The following DBF4B variants were observed in gnomAD, a reference collection of about 807,000 sequenced individuals.
DBF4B encodes the protein protein DBF4 homolog B.
Under a neutral mutation model 53.4 loss-of-function variants are expected in DBF4B, and 49 were observed. The ratio of observed to expected loss-of-function variants is 0.92; its 90% CI spans 0.73 to 1.16. The LOEUF is 1.16. DBF4B is among the 50% of genes most tolerant of loss of function. DBF4B has a pLI of 0.00. For missense variants in DBF4B, 692 were observed against 775.0 expected, an observed-to-expected ratio of 0.89 and a Z score of 1.27; for synonymous variants, 257 against 288.7, an observed-to-expected ratio of 0.89 and a Z score of 1.11.
Position 44,747,459 on chromosome 17 carries a change from C to T in DBF4B, c.1008C>T (p.Ile336=). The change falls in exon 12 of 14, where the codon ATC becomes ATT. Residue 336 remains isoleucine, a synonymous_variant. Coordinates refer to ENST00000315005, the MANE Select transcript of DBF4B (RefSeq NM_145663.3). ...ATCTATATGCAGAAGTGGACAGGAT[C>T]ATTGCTCAGCTCAGCCACAGCTTTG... The part of the protein sequence containing the change: ...EAHLYAEVDR[I]IAQLSHSFAD... 1 of 1,614,134 alleles carries T rather than the reference C, an allele frequency of 6.2e-7. No homozygotes were observed. Among genetic ancestry groups the T allele is most frequent in the Non-Finnish European group, 8.5e-7 (1 of 1,180,028 alleles).
At chr17:44,733,120 G>A (rs1470959266) in intron 6 of DBF4B, among the ~76,000 whole-genome samples, 49 of 141,982 alleles carry the variant, frequency 3.5e-4, no homozygotes, top group African/African-American at 1.2e-3. Flanking sequence ...AGCCGAGATT[G>A]CGCCACTGCA....
intron 2 of DBF4B, among the ~76,000 whole-genome samples, chr17:44,718,119 G>A (rs1431821482): frequency 6.6e-6 from 1 of 151,846 alleles, no homozygotes; most frequent in Non-Finnish European, 1.5e-5. Flanking sequence ...ATCCCCCAAT[G>A]TTCTTGTCCT....
At chr17:44,733,304 C>T (rs1383264356) in intron 6 of DBF4B, among the ~76,000 whole-genome samples, 6 of 152,222 alleles carry the variant, frequency 3.9e-5, no homozygotes, top group African/African-American at 9.6e-5. Context: ...GCAAATTGTC[C>T]ATGGTCTCAC....
At position 44,747,068 on chromosome 17, in the gene DBF4B, A is replaced by G; in HGVS notation, c.831-15A>G. 2 of 1,612,908 alleles carry G rather than the reference A, an allele frequency of 1.2e-6. No individual in the cohort carries two copies. The highest frequency in any genetic ancestry group is 1.7e-6 in the Non-Finnish European group (2 of 1,179,042). ...CCAGCAGTAACCACTTTGCCGCACT[A>G]TGTACCCTCCCCAGAGAATCCAAGG... is the stretch of plus-strand genomic sequence containing the variant. On this transcript the variant is annotated splice_polypyrimidine_tract_variant and intron_variant, in intron 10 of 13. Coordinates refer to ENST00000315005, the MANE Select transcript of DBF4B (RefSeq NM_145663.3).
In DBF4B at chr17:44,751,625, A is replaced by G; in HGVS notation, c.*372A>G. Reference sequence around the variant, plus strand: ...TCCTGGAAAACACTTGAGTTGATTCAGTAAATCGACTTCAAATACTTGAAG... The same window carrying G: ...TCCTGGAAAACACTTGAGTTGATTCGGTAAATCGACTTCAAATACTTGAAG... On this transcript the variant is annotated 3_prime_UTR_variant, in exon 14 of 14. Transcript: ENST00000315005. 7.3e-7 allele frequency: 1 copy of G among 1,368,036 alleles called. No individual in the cohort carries two copies. Among genetic ancestry groups the G allele is most frequent in the Non-Finnish European group, 9.4e-7 (1 of 1,060,248 alleles). 84.7% of individuals were successfully genotyped at this position (1,368,036 alleles called of 1,614,324 possible). A position where few individuals can be genotyped will look rare whatever the true frequency, so the allele number is the denominator to read the frequency against.
At chr17:44,741,797 C>T (rs564726935) in intron 10 of DBF4B, among the ~76,000 whole-genome samples, 4 of 152,290 alleles carry the variant, frequency 2.6e-5, no homozygotes, top group Middle Eastern at 3.4e-3. Flanking sequence ...ACTGTTTCCC[C>T]CAGAGCATGG....
At chr17:44,750,206 A>G (rs2049245325) in intron 13 of DBF4B, 1 of 1,000,756 alleles carries the variant, frequency 1.0e-6, no homozygotes, top group Non-Finnish European at 1.2e-6. Flanking sequence ...CAGCCAAGCC[A>G]TTAATCTGGA....
At chr17:44,744,344 AGAGGTTGC>A (rs1427049275) in intron 10 of DBF4B, among the ~76,000 whole-genome samples, 1 of 151,874 alleles carries the variant, frequency 6.6e-6, no homozygotes, top group Non-Finnish European at 1.5e-5. Context: ...CATGGGAAGC[AGAGGTTGC>A]AGTGAGCCAA....
At chr17:44,722,324 G>C (rs1973923699) in intron 2 of DBF4B, among the ~76,000 whole-genome samples, 1 of 152,156 alleles carries the variant, frequency 6.6e-6, no homozygotes, top group African/African-American at 2.4e-5. Flanking sequence ...AGGTTGGGAA[G>C]TAGGCCCATT....
At chr17:44,740,520 C>T (rs1323824133) in intron 9 of DBF4B, among the ~76,000 whole-genome samples, 1 of 152,128 alleles carries the variant, frequency 6.6e-6, no homozygotes, top group Non-Finnish European at 1.5e-5. Flanking sequence ...GAACCCAGCC[C>T]TCAGATAGTT....
Position 44,751,246 on chromosome 17 carries a change from C to T in DBF4B, c.1841C>T (p.Ser614Leu). The T allele has an allele frequency of 6.2e-7, 1 of 1,612,520 alleles. No individual in the cohort carries two copies. The highest frequency in any genetic ancestry group is 8.5e-7 in the Non-Finnish European group (1 of 1,179,392). Residue 614 changes from serine to leucine, a missense_variant, in exon 14 of 14, where the codon TCA becomes TTA. By Grantham distance (145) the Ser-to-Leu change is moderately radical. Around this residue, in one of 3 missense-constraint regions of DBF4B, gnomAD observed 597 missense variants for 665.8 expected, o/e 0.90. Coordinates refer to ENST00000315005, the MANE Select transcript of DBF4B (RefSeq NM_145663.3). The stretch of plus-strand genomic sequence containing the variant: ...CATTGCGGCTTCCTGGCTGTAGACT[C>T]AGGTTAGAGGTGAACCCAGAACACC... Reference protein sequence around the residue: ...FLHCGFLAVDSG With the variant: ...FLHCGFLAVDLG
Position 44,708,680 on chromosome 17 carries a change from C to A in DBF4B, c.-141C>A. 9.9e-7 allele frequency: 1 copy of A among 1,008,348 alleles called. No homozygotes were observed. The highest frequency in any genetic ancestry group is 2.3e-5 in the South Asian group (1 of 42,756). The allele number at this position is 1,008,348 out of a possible 1,614,324, so 62.5% of individuals were successfully genotyped here. A position where few individuals can be genotyped will look rare whatever the true frequency, so the allele number is the denominator to read the frequency against. ...CAGGAAATTTAAACTGAAGCCGCGGCCGAAAACGCCAAGAGATTGATGCTG... is the reference window on the plus strand; with the variant it reads ...CAGGAAATTTAAACTGAAGCCGCGGACGAAAACGCCAAGAGATTGATGCTG... On this transcript the variant is annotated 5_prime_UTR_variant, in exon 1 of 14. Coordinates refer to ENST00000315005, the MANE Select transcript of DBF4B (RefSeq NM_145663.3).
intron 10 of DBF4B, among the ~76,000 whole-genome samples, chr17:44,743,130 C>T (rs932177431): frequency 5.3e-5 from 8 of 152,246 alleles, no homozygotes; most frequent in African/African-American, 1.7e-4. Flanking sequence ...AGAAGGTGGC[C>T]CAGGCTTGGC....
chr17:44,733,901 T>C (rs1975089089), intron 6 of DBF4B, 189 bp from the exon 7 acceptor site: 3 of 589,656 alleles, frequency 5.1e-6, no homozygotes, highest in Non-Finnish European at 9.1e-6. Flanking sequence ...GTTCCAGGGA[T>C]AGAGGACCCA....
intron 2 of DBF4B, among the ~76,000 whole-genome samples, chr17:44,722,235 A>AACACACACACACACACACACAC (rs372541456): frequency 7.3e-5 from 11 of 151,462 alleles, no homozygotes; most frequent in African/African-American, 2.2e-4. Flanking sequence ...TGTGCTCTCC[A>AACACACACACACACACACACAC]ACACACACAC....
At chr17:44,722,595 ATCTG>A (rs1168835937) in intron 2 of DBF4B, among the ~76,000 whole-genome samples, 1 of 152,094 alleles carries the variant, frequency 6.6e-6, no homozygotes, top group Non-Finnish European at 1.5e-5. Context: ...TGGTTTGGGG[ATCTG>A]TCTAATTTCT....
chr17:44,743,909 A>G (rs1042986935), intron 10 of DBF4B, among the ~76,000 whole-genome samples: 2 of 151,764 alleles, frequency 1.3e-5, no homozygotes, highest in Non-Finnish European at 2.9e-5. Context: ...CACCCAGCCT[A>G]TATGATTCTT....
intron 13 of DBF4B, chr17:44,748,993 C>A (rs1487630502): frequency 3.9e-6 from 5 of 1,289,726 alleles, no homozygotes; most frequent in Non-Finnish European, 5.1e-6. Flanking sequence ...GAAAGGGTGG[C>A]CCCCAGGGCC....
Position 44,752,062 on chromosome 17 carries a change from A to T in DBF4B, c.*809A>T. 1 of 1,410,146 alleles carries T rather than the reference A, an allele frequency of 7.1e-7. No homozygotes were observed. The highest frequency in any genetic ancestry group is 9.7e-7 in the Non-Finnish European group (1 of 1,033,462). 87.4% of individuals were successfully genotyped at this position (1,410,146 alleles called of 1,614,324 possible). ...CTTGCCTCTTCTCGCTGAGCCTTTC[A>T]CTTCTCGGCAGATGTGACCGATTGG... is the stretch of plus-strand genomic sequence containing the variant. On this transcript the variant is annotated 3_prime_UTR_variant, in exon 14 of 14. Coordinates refer to ENST00000315005, the MANE Select transcript of DBF4B (RefSeq NM_145663.3).
Sources: gnomAD v4.1 joint callset for allele counts (sites outside exome capture counted in the v4.1 genomes callset) on GRCh38, gnomAD v4.1.1 for gene constraint, gnomAD v4.1.1 regional missense constraint, MANE v1.5 for transcripts, NCBI Gene and HGNC (gene_info 2026-07-23, HGNC 2026-07-21) for gene names.